The following JSRP1 variants were observed in gnomAD, a reference collection of about 807,000 sequenced individuals.
The protein encoded by JSRP1 is 2310032K21Rik.
In JSRP1, 29 loss-of-function variants were observed where a neutral mutation model predicts 21.4. The ratio of observed to expected loss-of-function variants is 1.36; its 90% CI spans 1.01 to 1.85. The LOEUF (loss-of-function observed/expected upper bound fraction) is 1.85. JSRP1 is among the 40% of genes most tolerant of loss of function. JSRP1 has a pLI of 0.00. For missense variants in JSRP1, 531 were observed against 461.5 expected (o/e 1.15, Z -1.38); for synonymous variants, 221 against 206.1 (o/e 1.07, Z -0.62).
At chr19:2,253,538 G>A (rs994026175) in intron 5 of JSRP1, 82 bp downstream of exon 5, 5 of 1,316,974 alleles carry the variant, frequency 3.8e-6, no homozygotes, top group Non-Finnish European at 4.9e-6. Context: ...ACCCCACCCT[G>A]GCGGCACAGC....
At chr19:2,253,959 C>G (rs2025110018) in intron 4 of JSRP1, among the ~76,000 whole-genome samples, 166 bp from the exon 5 acceptor site, 1 of 152,214 alleles carries the variant, frequency 6.6e-6, no homozygotes, top group African/African-American at 2.4e-5. Flanking sequence ...CGCAGCTGCA[C>G]GGGGATGCCT....
chr19:2,254,454 G>A lies in JSRP1; in HGVS notation c.138C>T (p.Ser46=), dbSNP rs754276945. ...SATPRLADSG[S]VPHDSQVAEG... is the part of the protein sequence containing the mutation. ...GGTCCCAGCTACTCACGTGGGGCACGCTGCCGGAGTCGGCCAGCCTGGGTG... is the reference window on the plus strand; with the variant it reads ...GGTCCCAGCTACTCACGTGGGGCACACTGCCGGAGTCGGCCAGCCTGGGTG... Residue 46 remains serine, a synonymous_variant, in exon 3 of 7, where the codon AGC becomes AGT. Transcript: ENST00000300961. 8.1e-6 allele frequency: 13 copies of A among 1,612,764 alleles called. No homozygotes were observed. Among genetic ancestry groups the A allele is most frequent in the Middle Eastern group, 1.6e-4 (1 of 6,080 alleles).
chr19:2,253,447 G>GC (rs570909157), intron 5 of JSRP1, among the ~76,000 whole-genome samples, 173 bp downstream of exon 5: 65 of 152,378 alleles, frequency 4.3e-4, no homozygotes, highest in African/African-American at 1.3e-3. Context: ...AGAGGGGCGC[G>GC]CAAGGCCCGT....
rs1313553576 is a variant in JSRP1 at position 2,252,364 on chromosome 19, G to C, written c.961C>G (p.Arg321Gly). ...RPDEEQRPGS[R>G]QKLRAGKGRD is the part of the protein sequence containing the mutation. The stretch of plus-strand genomic sequence containing the variant: ...CCCTTGCCTGCGCGGAGCTTCTGGC[G>C]ACTCCCAGGCCGCTGCTCCTCGTCG... Residue 321 changes from arginine (R) to glycine (G), a missense_variant, in exon 7 of 7, where the codon CGC (arginine) becomes GGC (glycine). By Grantham distance (125) the Arg-to-Gly change is moderately radical. Coordinates refer to ENST00000300961, the MANE Select transcript of JSRP1 (RefSeq NM_144616.4). The C allele has an allele frequency of 4.5e-6, 7 of 1,557,036 alleles. No homozygotes were observed. The African/African-American group carries it at 9.6e-5, about 21-fold the overall frequency.
rs371074606 is a variant in JSRP1, at chr19:2,252,595, T to G, written c.730A>C (p.Lys244Gln). Reference protein sequence around the residue: ...GPKERPRREGKPRKEKPRKEE... With the variant: ...GPKERPRREGQPRKEKPRKEE... ...TTCCGCGGCTTCTCCTTCCGCGGCT[T>G]CCCCTCTCTCCGAGGCCTCTCCTTG... Residue 244 changes from lysine (K) to glutamine (Q), a missense_variant, in exon 7 of 7, where the codon AAG (lysine) becomes CAG (glutamine). Coordinates refer to ENST00000300961, the MANE Select transcript of JSRP1 (RefSeq NM_144616.4). The G allele has an allele frequency of 1.9e-6, 3 of 1,612,610 alleles. No individual in the cohort carries two copies. The Admixed American group carries it at 5.0e-5, about 27-fold the overall frequency.
intron 2 of JSRP1, 140 bp from the exon 3 acceptor site, chr19:2,254,622 C>T: frequency 1.1e-6 from 1 of 897,236 alleles, no homozygotes; most frequent in Non-Finnish European, 1.7e-6. Flanking sequence ...CACAGTGGTT[C>T]ACACCTGGAA....
In JSRP1 at chr19:2,254,427, AG is replaced by A; in HGVS notation, c.147+17del. On this transcript the variant is annotated intron_variant, in intron 3 of 6. Coordinates refer to ENST00000300961, the MANE Select transcript of JSRP1 (RefSeq NM_144616.4). ...CCCAGGCGTCCTGGGTTAAAGGCTG[AG>A]GGTCCCAGCTACTCACGTGGGGCAC... is the stretch of plus-strand genomic sequence containing the variant. The A allele has an allele frequency of 6.2e-7, 1 of 1,612,810 alleles. No homozygotes were observed. The highest frequency in any genetic ancestry group is 1.7e-5 in the Admixed American group (1 of 60,020).
rs1020348217 is a variant in JSRP1, at chr19:2,255,073, G to A, written c.109+133C>T. ...CCCTGAGGCAGAAATGAGGGCCAGG[G>A]GTTGAACATGGGGAGCACACTATAA... is the stretch of plus-strand genomic sequence containing the variant. On this transcript the variant is annotated intron_variant, in intron 2 of 6. Coordinates refer to ENST00000300961, the MANE Select transcript of JSRP1 (RefSeq NM_144616.4). The A allele has an allele frequency of 3.6e-5, 19 of 530,992 alleles. No homozygotes were observed. In the African/African-American group the frequency reaches 3.7e-4, roughly 10 times the overall value. 32.9% of individuals were successfully genotyped at this position (530,992 alleles called of 1,614,324 possible).
chr19:2,255,754 C>T (rs1279638404), intron 1 of JSRP1, among the ~76,000 whole-genome samples: 2 of 152,202 alleles, frequency 1.3e-5, no homozygotes, highest in East Asian at 3.9e-4. Context: ...GCGGGACAGG[C>T]TAACAGGTGC....
intron 4 of JSRP1, 21 bp from the exon 5 acceptor site, chr19:2,253,814 T>C (rs751927507): frequency 4.3e-5 from 59 of 1,373,586 alleles, no homozygotes; most frequent in Non-Finnish European, 5.0e-5. Flanking sequence ...AAGTGCGCGC[T>C]GCGCTGTGGT....
chr19:2,252,341 C>CA lies in JSRP1; in HGVS notation c.983_984insT (p.Lys328AsnfsTer?). ...GCGCGGGGCCGGCTCAGTCCCGCCCCTTGCCTGCGCGGAGCTTCTGGCGAC... is the reference window on the plus strand; with the variant it reads ...GCGCGGGGCCGGCTCAGTCCCGCCCCATTGCCTGCGCGGAGCTTCTGGCGAC... On this transcript the variant is annotated frameshift_variant, in exon 7 of 7. Transcript: ENST00000300961. LOFTEE classifies it high-confidence loss of function. 6.6e-7 allele frequency: 1 copy of CA among 1,518,196 alleles called. No individual in the cohort carries two copies. The highest frequency in any genetic ancestry group is 8.8e-7 in the Non-Finnish European group (1 of 1,137,002). The allele number at this position is 1,518,196 out of a possible 1,614,324, so 94.0% of individuals were successfully genotyped here. A position where few individuals can be genotyped will look rare whatever the true frequency, so the allele number is the denominator to read the frequency against.
At chr19:2,254,544 CT>C (rs2025120644) in intron 2 of JSRP1, 62 bp from the exon 3 acceptor site, 5 of 1,589,668 alleles carry the variant, frequency 3.1e-6, no homozygotes, top group Non-Finnish European at 4.3e-6. Context: ...ACCCTCTCCC[CT>C]GGCCCTGCTG....
chr19:2,253,581 A>G (rs1442648683), intron 5 of JSRP1, 39 bp downstream of exon 5: 61 of 1,405,376 alleles, frequency 4.3e-5, no homozygotes, highest in Non-Finnish European at 3.6e-5. Context: ...GCACAGGTGG[A>G]CCCCAGCCTC....
chr19:2,252,904 G>C lies in JSRP1; in HGVS notation c.528+8C>G. 6.2e-7 allele frequency: 1 copy of C among 1,608,506 alleles called. No individual in the cohort carries two copies. Reference sequence around the variant, plus strand: ...CAATGCCCGCGGTCAGTGGAAGGAAGCTCTTACCAGGGGCGACGATGGCTC... The same window carrying C: ...CAATGCCCGCGGTCAGTGGAAGGAACCTCTTACCAGGGGCGACGATGGCTC... On this transcript the variant is annotated splice_region_variant and intron_variant, in intron 6 of 6. Transcript: ENST00000300961.
In JSRP1 at chr19:2,252,300, G is replaced by C; in HGVS notation, c.*29C>G. The C allele has an allele frequency of 7.0e-7, 1 of 1,431,136 alleles. No homozygotes were observed. The highest frequency in any genetic ancestry group is 1.4e-5 in the African/African-American group (1 of 69,514). The allele number at this position is 1,431,136 out of a possible 1,614,324, so 88.7% of individuals were successfully genotyped here. On this transcript the variant is annotated 3_prime_UTR_variant, in exon 7 of 7. Coordinates refer to ENST00000300961, the MANE Select transcript of JSRP1 (RefSeq NM_144616.4). ...GCCAGAGTCGCGGGGCGTCCAGAAGGGGCCCCTGGACTCCGGCGCGGGGCC... is the reference window on the plus strand; with the variant it reads ...GCCAGAGTCGCGGGGCGTCCAGAAGCGGCCCCTGGACTCCGGCGCGGGGCC...
At chr19:2,254,532 C>T (rs376091894) in intron 2 of JSRP1, 50 bp from the exon 3 acceptor site, 235 of 1,605,480 alleles carry the variant, frequency 1.5e-4, no homozygotes, top group Non-Finnish European at 1.9e-4. Flanking sequence ...CAGGCCAATC[C>T]CACCCTCTCC....
chr19:2,253,508 C>G (rs895435076), intron 5 of JSRP1, 112 bp downstream of exon 5: 2 of 1,098,888 alleles, frequency 1.8e-6, no homozygotes, highest in African/African-American at 3.3e-5. Context: ...AAGACCCAGC[C>G]CTGGAGAGGA....
At position 2,252,934 on chromosome 19, in the gene JSRP1, G is replaced by C. The variant is rs750066109; in HGVS notation, c.506C>G (p.Pro169Arg). 1 of 1,610,148 alleles carries C rather than the reference G, an allele frequency of 6.2e-7. No individual in the cohort carries two copies. The highest frequency in any genetic ancestry group is 1.1e-5 in the South Asian group (1 of 90,666). ...PEPWVPPSSA[P>R]REPSSPLPKF... ...TACCAGGGGCGACGATGGCTCCCTCGGGGCTGAGCTTGGCGGGACCCAGGG... is the reference window on the plus strand; with the variant it reads ...TACCAGGGGCGACGATGGCTCCCTCCGGGCTGAGCTTGGCGGGACCCAGGG... Residue 169 changes from proline to arginine, a missense_variant, in exon 6 of 7, where the codon CCG becomes CGG. Physicochemically the swap from Pro to Arg is moderately radical, Grantham distance 103 (BLOSUM62 -2). Coordinates refer to ENST00000300961, the MANE Select transcript of JSRP1 (RefSeq NM_144616.4).
In JSRP1 at chr19:2,252,765, G is replaced by T; in HGVS notation, c.560C>A (p.Ala187Glu). ...PKFEAQAPPS[A>E]PPAPRAEAEV... is the part of the protein sequence containing the mutation. ...TGCCTCGGCCCGGGGCGCAGGCGGC[G>T]CTGATGGAGGCGCCTGGGCCTCGAA... The change falls in exon 7 of 7, where the codon GCG becomes GAG. Residue 187 changes from alanine (A) to glutamate (E), a missense_variant. Physicochemically the swap from Ala to Glu is moderately radical, Grantham distance 107. Transcript: ENST00000300961. 1 of 1,612,104 alleles carries T rather than the reference G, an allele frequency of 6.2e-7. No homozygotes were observed. Among genetic ancestry groups the T allele is most frequent in the African/African-American group, 1.3e-5 (1 of 74,954 alleles).
Sources: gnomAD v4.1 joint callset for allele counts (sites outside exome capture counted in the v4.1 genomes callset) on GRCh38, gnomAD v4.1.1 for gene constraint, MANE v1.5 for transcripts, NCBI Gene and HGNC (gene_info 2026-07-23, HGNC 2026-07-21) for gene names.